The following MYH15 variants were observed in gnomAD, a reference collection of about 807,000 sequenced individuals.
The protein encoded by MYH15 is myosin heavy chain 15.
MYH15 carries 227 observed loss-of-function variants against 240.5 expected under a neutral mutation model. The observed-to-expected ratio is 0.94, with a 90% confidence interval of 0.85 to 1.05. The LOEUF is 1.05. Among genes scored for constraint, MYH15 ranks in the 50% least tolerant of loss-of-function variants. The pLI is 0.00. For missense variants in MYH15, 2,217 were observed against 2,247.5 expected (o/e 0.99, Z 0.27); for synonymous variants, 785 against 796.7 (o/e 0.99, Z 0.25).
chr3:108,483,012 G>A (rs1050933419), intron 11 of MYH15, among the ~76,000 whole-genome samples: 4 of 151,892 alleles, frequency 2.6e-5, no homozygotes, highest in South Asian at 2.1e-4. Flanking sequence ...TGGCCAACAC[G>A]GCAAAACCCC....
Position 108,506,395 on chromosome 3 carries a change from T to C in MYH15, c.89-566A>G, listed in dbSNP as rs571331794. On this transcript the variant is annotated intron_variant, in intron 1 of 40. Transcript: ENST00000693548. The stretch of plus-strand genomic sequence containing the variant: ...AAACAACATAACCGGCTCATATTAT[T>C]TCCCCCAATATGTTATTTTTCTCTC... Among the ~76,000 whole-genome samples, 105 of 152,204 alleles carry C rather than the reference T, an allele frequency of 6.9e-4. 2 individuals carry two copies. The highest frequency in any genetic ancestry group is 3.7e-4 in the Non-Finnish European group (25 of 68,006).
intron 9 of MYH15, among the ~76,000 whole-genome samples, chr3:108,488,869 CATA>C (rs1209278904): frequency 6.6e-6 from 1 of 152,182 alleles, no homozygotes; most frequent in Non-Finnish European, 1.5e-5. Context: ...TACCATTTTT[CATA>C]ATGACTGTAG....
chr3:108,408,447 A>G lies in MYH15; in HGVS notation c.4496-43T>C, dbSNP rs768649066. On this transcript the variant is annotated intron_variant, in intron 31 of 40. Transcript: ENST00000693548. ...AAAAACAAAGTTAGTGAATGGGCTC[A>G]GTCTCAAACCAATGATACCAGGCAC... 7.0e-6 allele frequency: 11 copies of G among 1,569,148 alleles called. No individual in the cohort carries two copies. In the South Asian group the frequency reaches 8.4e-5, roughly 12 times the overall value.
chr3:108,476,499 A>G lies in MYH15; in HGVS notation c.1131T>C (p.Ala377=), dbSNP rs1406216426. 3 of 1,611,400 alleles carry G rather than the reference A, an allele frequency of 1.9e-6. No homozygotes were observed. The highest frequency in any genetic ancestry group is 2.7e-5 in the African/African-American group (2 of 74,966). ...CAGAGGAGTTAATGCCCATGAGGAA[A>G]GCAGCTTTGTCAGCATCTGGTCATC... is the stretch of plus-strand genomic sequence containing the variant. ...ADGTENADKA[A]FLMGINSSEL... is the part of the protein sequence containing the mutation. The change falls in exon 12 of 41, where the codon GCT becomes GCC. Residue 377 remains alanine, a synonymous_variant. Transcript: ENST00000693548.
chr3:108,509,040 C>A (rs1204656147), intron 1 of MYH15, among the ~76,000 whole-genome samples: 1 of 152,126 alleles, frequency 6.6e-6, no homozygotes. Context: ...AATTACCCAG[C>A]CAGAGATGGT....
intron 2 of MYH15, among the ~76,000 whole-genome samples, chr3:108,503,423 C>A (rs1247404487): frequency 6.6e-6 from 1 of 151,946 alleles, no homozygotes. Context: ...GGATTTGCAA[C>A]CAGAAAGTAA....
At chr3:108,451,094 A>C (rs1010832908) in intron 21 of MYH15, among the ~76,000 whole-genome samples, 1 of 152,206 alleles carries the variant, frequency 6.6e-6, no homozygotes, top group Non-Finnish European at 1.5e-5. Flanking sequence ...TTTAAAAATA[A>C]TAAGGCCAGG....
chr3:108,490,702 A>G (rs1198159067), intron 9 of MYH15, among the ~76,000 whole-genome samples: 2 of 152,118 alleles, frequency 1.3e-5, no homozygotes. Flanking sequence ...ATCTTTGCCT[A>G]CTTGCTCCCT....
chr3:108,529,624 G>A (rs903295299), upstream of MYH15, among the ~76,000 whole-genome samples: 1 of 152,140 alleles, frequency 6.6e-6, no homozygotes, highest in African/African-American at 2.4e-5. Context: ...ACAAGGTGGG[G>A]AAACAGGGAA....
chr3:108,393,398 G>T (rs6765518), intron 36 of MYH15, among the ~76,000 whole-genome samples: 152,046 of 152,316 alleles, frequency 1, 75,888 homozygotes, highest in Middle Eastern at 1. Flanking sequence ...AACCATGCCC[G>T]CTGAGAGAAG....
intron 27 of MYH15, among the ~76,000 whole-genome samples, chr3:108,426,861 A>G (rs939645633): frequency 6.6e-6 from 1 of 152,230 alleles, no homozygotes; most frequent in Non-Finnish European, 1.5e-5. Context: ...ACTCCACCCC[A>G]GTATGTCCAG....
chr3:108,504,682 G>A (rs952319875), intron 2 of MYH15, among the ~76,000 whole-genome samples: 21 of 152,208 alleles, frequency 1.4e-4, no homozygotes, highest in African/African-American at 5.1e-4. Context: ...GTTCATTTAA[G>A]TAGGACAGAA....
intron 25 of MYH15, among the ~76,000 whole-genome samples, chr3:108,433,409 T>A (rs992929073): frequency 2.0e-5 from 3 of 152,210 alleles, no homozygotes; most frequent in African/African-American, 7.2e-5. Flanking sequence ...TGTGGACTTT[T>A]GAGTTAAAGC....
In MYH15 at chr3:108,441,217, A is replaced by G; in HGVS notation, c.2699T>C (p.Leu900Pro). 1.9e-6 allele frequency: 3 copies of G among 1,614,082 alleles called. No individual in the cohort carries two copies. Among genetic ancestry groups the G allele is most frequent in the Non-Finnish European group, 2.5e-6 (3 of 1,179,978 alleles). ...LANVEEQCEW[L>P]IKSKIQLEAR... ...CTCCAGCTGGATCTTGGATTTAATC[A>G]GCCACTCGCACTGCTCTTCAACATT... The change falls in exon 23 of 41, where the codon CTG (leucine) becomes CCG (proline). Residue 900 changes from leucine (L) to proline (P), a missense_variant. Coordinates refer to ENST00000693548, the MANE Select transcript of MYH15 (RefSeq NM_014981.3).
At chr3:108,477,441 A>G in intron 11 of MYH15, among the ~76,000 whole-genome samples, 1 of 152,202 alleles carries the variant, frequency 6.6e-6, no homozygotes, top group South Asian at 2.1e-4. Flanking sequence ...CCCAATAACT[A>G]TACAGTTTAA....
chr3:108,428,446 T>A (rs2082743921), intron 27 of MYH15, 46 bp downstream of exon 27: 4 of 1,550,550 alleles, frequency 2.6e-6, no homozygotes, highest in Non-Finnish European at 3.5e-6. Flanking sequence ...TTCCCCTCCC[T>A]ACTTCCATGT....
intron 28 of MYH15, among the ~76,000 whole-genome samples, chr3:108,417,980 C>T (rs536567509): frequency 1.3e-5 from 2 of 152,268 alleles, no homozygotes; most frequent in African/African-American, 2.4e-5. Flanking sequence ...AGCCATCAAC[C>T]TAATGATGGC....
In MYH15 at chr3:108,425,131, G is replaced by T. The variant is rs78074993; in HGVS notation, c.3702+3361C>A. The stretch of plus-strand genomic sequence containing the variant: ...AACAGGTAAGTCTTTAATGCAGGAG[G>T]TTGAACTTGAGCATTCCAAAGAGAA... On this transcript the variant is annotated intron_variant, in intron 27 of 40. Transcript: ENST00000693548. Among the ~76,000 whole-genome samples, 29 of 152,342 alleles carry T rather than the reference G, an allele frequency of 1.9e-4. 1 individual carries two copies. The East Asian group carries it at 5.6e-3, about 29-fold the overall frequency.
the MYH15 span, among the ~76,000 whole-genome samples, chr3:108,535,741 A>T: frequency 6.6e-6 from 1 of 151,896 alleles, no homozygotes; most frequent in Non-Finnish European, 1.5e-5. Flanking sequence ...GTATTAAGAA[A>T]TAATATTAAC....
Sources: allele counts gnomAD v4.1 joint callset (sites outside exome capture counted in the v4.1 genomes callset), GRCh38; gene constraint gnomAD v4.1.1; transcripts MANE v1.5; gene names NCBI Gene and HGNC (gene_info 2026-07-23, HGNC 2026-07-21).